The following TSHZ2 variants were observed in gnomAD, a reference collection of about 807,000 sequenced individuals.
The protein encoded by TSHZ2 is teashirt homolog 2.
Under a neutral mutation model 74.4 loss-of-function variants are expected in TSHZ2, and 21 were observed. That is an observed-to-expected ratio of 0.28 (90% CI 0.20 to 0.41). The LOEUF (loss-of-function observed/expected upper bound fraction) is 0.41, where lower values mean the gene tolerates loss of function less well. Among genes scored for constraint, TSHZ2 ranks in the 10% least tolerant of loss-of-function variants. TSHZ2 has a pLI of 1.00. For synonymous variants in TSHZ2, 540 were observed against 515.3 expected, an observed-to-expected ratio of 1.05 and a Z score of -0.65; for missense variants, 1,244 against 1,293.5, an observed-to-expected ratio of 0.96 and a Z score of 0.59.
At chr20:53,468,686 G>T (rs1484452256) in intron 2 of TSHZ2, among the ~76,000 whole-genome samples, 4 of 25,116 alleles carry the variant, frequency 1.6e-4, no homozygotes, top group East Asian at 1.2e-3. Context: ...TCCATTACGA[G>T]ACAAAAAAAA....
intron 1 of TSHZ2, among the ~76,000 whole-genome samples, chr20:53,030,942 A>G (rs975071226): frequency 2.6e-5 from 4 of 152,204 alleles, no homozygotes; most frequent in Non-Finnish European, 5.9e-5. Context: ...TAAATATTCC[A>G]TTGTATGGAT....
In TSHZ2 at chr20:53,466,274, GAA is replaced by G. The variant is rs1457907567; in HGVS notation, c.*9-20868_*9-20867del. Among the ~76,000 whole-genome samples, 20 of 147,338 alleles carry G rather than the reference GAA, an allele frequency of 1.4e-4. No individual in the cohort carries two copies. The South Asian group carries it at 3.4e-3, about 25-fold the overall frequency. ...AAAAATAAAAATAAAAAAAAAAAAA[GAA>G]AGAGAAAAAGGAAAAAAAAAAAAGT... On this transcript the variant is annotated intron_variant, in intron 2 of 2. Coordinates refer to ENST00000371497, the MANE Select transcript of TSHZ2 (RefSeq NM_173485.6).
At chr20:53,014,511 G>C (rs1982967124) in intron 1 of TSHZ2, among the ~76,000 whole-genome samples, 2 of 152,108 alleles carry the variant, frequency 1.3e-5, no homozygotes, top group Admixed American at 6.5e-5. Context: ...TGGGGACCAG[G>C]TGGTGACTGG....
intron 1 of TSHZ2, among the ~76,000 whole-genome samples, chr20:53,192,681 T>C (rs1450729704): frequency 6.6e-6 from 1 of 152,028 alleles, no homozygotes; most frequent in Non-Finnish European, 1.5e-5. Flanking sequence ...TGACAGAAGA[T>C]GAGAGAAGGA....
intron 1 of TSHZ2, among the ~76,000 whole-genome samples, chr20:53,128,770 C>T (rs745859767): frequency 1.4e-4 from 21 of 152,028 alleles, no homozygotes; most frequent in African/African-American, 2.9e-4. Flanking sequence ...TACAGGTGCA[C>T]GCCACCACAC....
chr20:53,454,964 C>G (rs1253479860), intron 2 of TSHZ2, among the ~76,000 whole-genome samples: 4 of 152,186 alleles, frequency 2.6e-5, no homozygotes, highest in African/African-American at 9.7e-5. Flanking sequence ...ACCAAATTCT[C>G]TTTCTTACCA....
chr20:53,248,227 T>C (rs1429974394), intron 1 of TSHZ2, among the ~76,000 whole-genome samples: 2 of 151,686 alleles, frequency 1.3e-5, no homozygotes, highest in Non-Finnish European at 2.9e-5. Flanking sequence ...TGCACCATTA[T>C]GCCTGGCTAT....
intron 1 of TSHZ2, among the ~76,000 whole-genome samples, chr20:53,075,368 A>G (rs1985334943): frequency 4.6e-5 from 7 of 152,256 alleles, no homozygotes; most frequent in Admixed American, 4.6e-4. Flanking sequence ...TTCATTCAAC[A>G]GATATTTTCA....
intron 2 of TSHZ2, among the ~76,000 whole-genome samples, chr20:53,443,772 T>G (rs1432057987): frequency 6.6e-6 from 1 of 152,168 alleles, no homozygotes; most frequent in African/African-American, 2.4e-5. Flanking sequence ...ATCCGTAAAA[T>G]GAGCCAGTTA....
Position 53,470,194 on chromosome 20 carries a change from A to G in TSHZ2, c.*9-16950A>G, listed in dbSNP as rs557406806. Among the ~76,000 whole-genome samples the G allele has an allele frequency of 3.3e-5, 5 of 152,350 alleles. No homozygotes were observed. In the South Asian group the frequency reaches 1.0e-3, roughly 32 times the overall value. Reference sequence around the variant, plus strand: ...AGGCAATACATCAGAAAGTGTTTTAAAATAGTATCCACTCACCCACATGAA... The same window carrying G: ...AGGCAATACATCAGAAAGTGTTTTAGAATAGTATCCACTCACCCACATGAA... On this transcript the variant is annotated intron_variant, in intron 2 of 2. Coordinates refer to ENST00000371497, the MANE Select transcript of TSHZ2 (RefSeq NM_173485.6).
chr20:53,409,225 A>G (rs964447413), intron 2 of TSHZ2, among the ~76,000 whole-genome samples: 38 of 151,316 alleles, frequency 2.5e-4, no homozygotes, highest in Admixed American at 5.2e-4. Context: ...TGTTAAATCA[A>G]TAATGCTCTG....
intron 2 of TSHZ2, among the ~76,000 whole-genome samples, chr20:53,434,145 C>G (rs1411180933): frequency 6.6e-6 from 1 of 152,188 alleles, no homozygotes; most frequent in Non-Finnish European, 1.5e-5. Context: ...GCTGGGATTA[C>G]AGGCACGAGC....
intron 1 of TSHZ2, among the ~76,000 whole-genome samples, chr20:53,157,449 C>T (rs1987823302): frequency 6.7e-6 from 1 of 148,220 alleles, no homozygotes; most frequent in African/African-American, 2.5e-5. Flanking sequence ...CTCTGTTGTC[C>T]AGGCTGGAGT....
intron 1 of TSHZ2, among the ~76,000 whole-genome samples, chr20:53,204,588 G>C (rs1333522843): frequency 2.6e-5 from 4 of 152,062 alleles, no homozygotes; most frequent in Non-Finnish European, 4.4e-5. Context: ...AGCGCTGCTT[G>C]AAGCCTTCAG....
At chr20:53,188,424 A>G (rs763475465) in intron 1 of TSHZ2, among the ~76,000 whole-genome samples, 3 of 152,218 alleles carry the variant, frequency 2.0e-5, no homozygotes, top group Admixed American at 6.5e-5. Flanking sequence ...AGGCAATGCT[A>G]AGCAACCTTG....
chr20:53,075,722 G>T (rs1261255639), intron 1 of TSHZ2, among the ~76,000 whole-genome samples: 1 of 152,198 alleles, frequency 6.6e-6, no homozygotes, highest in African/African-American at 2.4e-5. Flanking sequence ...GCTGCTAGGA[G>T]ACTGAGGGAG....
chr20:53,417,221 TACAGACACAG>T, intron 2 of TSHZ2, among the ~76,000 whole-genome samples: 1 of 146,292 alleles, frequency 6.8e-6, no homozygotes, highest in Non-Finnish European at 1.5e-5. Flanking sequence ...GATATCTATA[TACAGACACAG>T]ACACACACAG....
At chr20:53,376,323 A>G (rs1365860634) in intron 2 of TSHZ2, among the ~76,000 whole-genome samples, 1 of 152,192 alleles carries the variant, frequency 6.6e-6, no homozygotes, top group African/African-American at 2.4e-5. Flanking sequence ...ACTGGAACAG[A>G]TGGACCATCC....
At position 52,986,881 on chromosome 20, in the gene TSHZ2, T is replaced by G. The variant is rs554418207; in HGVS notation, c.40+13548T>G. Among the ~76,000 whole-genome samples the G allele has an allele frequency of 2.2e-4, 33 of 152,172 alleles. No individual in the cohort carries two copies. In the South Asian group the frequency reaches 6.7e-3, roughly 31 times the overall value. ...AGAAGGAATGGTTTTAAAGAAATAT[T>G]AAAAAATCAATTGTGTGTGTGTGTG... On this transcript the variant is annotated intron_variant, in intron 1 of 2. Transcript: ENST00000371497.
Sources: gnomAD v4.1 joint callset for allele counts (sites outside exome capture counted in the v4.1 genomes callset) on GRCh38, gnomAD v4.1.1 for gene constraint, MANE v1.5 for transcripts, NCBI Gene and HGNC (gene_info 2026-07-23, HGNC 2026-07-21) for gene names.